TMEM170B: variants seen among roughly 807,000 people sequenced by gnomAD.
The protein encoded by TMEM170B is transmembrane protein 170B.
A neutral mutation model predicts 13.0 loss-of-function variants in TMEM170B; 6 were observed. That is an observed-to-expected ratio of 0.46 (90% CI 0.25 to 0.91). The LOEUF (loss-of-function observed/expected upper bound fraction) is 0.91. TMEM170B is among the 40% of genes least tolerant of loss of function. TMEM170B has a pLI of 0.17. For missense variants in TMEM170B, 138 were observed against 165.2 expected, an observed-to-expected ratio of 0.84 and a Z score of 0.90; for synonymous variants, 61 against 64.9, an observed-to-expected ratio of 0.94 and a Z score of 0.29.
chr6:11,540,117 T>C (rs2113759074), intron 1 of TMEM170B, among the ~76,000 whole-genome samples: 1 of 152,348 alleles, frequency 6.6e-6, no homozygotes, highest in South Asian at 2.1e-4. Flanking sequence ...TAGAGGGTCT[T>C]GTCTTTGTGT....
Position 11,575,459 on chromosome 6 carries a change from A to G in TMEM170B, c.297A>G (p.Val99=), listed in dbSNP as rs773919274. ...TSAAVAGIYR[V]AGKNMAPLEA... is the part of the protein sequence containing the mutation. ...CAGCAGTAGCGGGCATTTACAGAGT[A>G]GCTGGGAAGAACATGGCCCCTTTGG... is the stretch of plus-strand genomic sequence containing the variant. The change falls in exon 3 of 3, where the codon GTA becomes GTG. Residue 99 remains valine (V), a synonymous_variant. Transcript: ENST00000379426. This position sits in a 1 kb window ranked among gnomAD's most constrained non-coding sequence, Gnocchi z 4.1. 6.2e-7 allele frequency: 1 copy of G among 1,613,512 alleles called. No homozygotes were observed. Among genetic ancestry groups the G allele is most frequent in the East Asian group, 2.2e-5 (1 of 44,876 alleles).
intron 1 of TMEM170B, among the ~76,000 whole-genome samples, chr6:11,542,499 C>G (rs539908168): frequency 6.6e-6 from 1 of 151,334 alleles, no homozygotes; most frequent in African/African-American, 2.5e-5. Context: ...AGGACTGAGG[C>G]GGGACTGAGG....
At chr6:11,565,569 C>T (rs12193222) in intron 1 of TMEM170B, 97 bp from the exon 2 acceptor site, 1 of 1,308,036 alleles carries the variant, frequency 7.6e-7, no homozygotes. Context: ...TGTATTATGT[C>T]ATTTAACCTC....
rs1759907583 is a variant in TMEM170B at position 11,578,400 on chromosome 6, G to A, written c.*2839G>A. ...AATGTTTAATAAAATATTGTTTATAGTGAAATCAGCTCCCCAAAGAAGGAA... is the reference window on the plus strand; with the variant it reads ...AATGTTTAATAAAATATTGTTTATAATGAAATCAGCTCCCCAAAGAAGGAA... On this transcript the variant is annotated 3_prime_UTR_variant, in exon 3 of 3. Coordinates refer to ENST00000379426, the MANE Select transcript of TMEM170B (RefSeq NM_001100829.3). The A allele has an allele frequency of 6.6e-6, 1 of 152,102 alleles. No homozygotes were observed. The highest frequency in any genetic ancestry group is 6.6e-5 in the Admixed American group (1 of 15,254). 9.4% of individuals were successfully genotyped at this position (152,102 alleles called of 1,614,324 possible). A position where few individuals can be genotyped will look rare whatever the true frequency, so the allele number is the denominator to read the frequency against.
chr6:11,559,472 T>C (rs1397706184), intron 1 of TMEM170B, among the ~76,000 whole-genome samples: 2 of 152,192 alleles, frequency 1.3e-5, no homozygotes, highest in Non-Finnish European at 2.9e-5. Context: ...AGGCATGAGC[T>C]ACTGTGCCCA....
Position 11,575,653 on chromosome 6 carries a change from C to T in TMEM170B, c.*92C>T. 1 of 1,498,942 alleles carries T rather than the reference C, an allele frequency of 6.7e-7. No individual in the cohort carries two copies. Among genetic ancestry groups the T allele is most frequent in the South Asian group, 1.2e-5 (1 of 86,012 alleles). The allele number at this position is 1,498,942 out of a possible 1,614,324, so 92.9% of individuals were successfully genotyped here. Reference sequence around the variant, plus strand: ...GTTAACAAGTGGAAATGAAATTGTGCAAGAATGTGGACTGAGCAGGTCAAA... The same window carrying T: ...GTTAACAAGTGGAAATGAAATTGTGTAAGAATGTGGACTGAGCAGGTCAAA... On this transcript the variant is annotated 3_prime_UTR_variant, in exon 3 of 3. Coordinates refer to ENST00000379426, the MANE Select transcript of TMEM170B (RefSeq NM_001100829.3). This position sits in a 1 kb window ranked among gnomAD's most constrained non-coding sequence, Gnocchi z 4.1.
Position 11,561,101 on chromosome 6 carries a change from G to C in TMEM170B, c.98-4565G>C, listed in dbSNP as rs368856801. 5.3e-5 allele frequency among the ~76,000 whole-genome samples: 8 copies of C among 152,138 alleles called. No individual in the cohort carries two copies. In the East Asian group the frequency reaches 7.7e-4, roughly 15 times the overall value. ...GAGGATTATAGACAGTCTTGAGTGG[G>C]GAAATGTTACCAAAGGAATTTCTGA... On this transcript the variant is annotated intron_variant, in intron 1 of 2. Coordinates refer to ENST00000379426, the MANE Select transcript of TMEM170B (RefSeq NM_001100829.3).
intron 1 of TMEM170B, among the ~76,000 whole-genome samples, chr6:11,545,671 T>C (rs957034066): frequency 8.6e-5 from 13 of 151,994 alleles, no homozygotes; most frequent in African/African-American, 2.9e-4. Flanking sequence ...AACAACTGTG[T>C]TACTGGCTTA....
intron 1 of TMEM170B, among the ~76,000 whole-genome samples, chr6:11,549,028 C>T (rs1759480700): frequency 6.6e-6 from 1 of 152,010 alleles, no homozygotes; most frequent in Non-Finnish European, 1.5e-5. Flanking sequence ...ACATATGTAA[C>T]AAACCTGCAC....
intron 2 of TMEM170B, among the ~76,000 whole-genome samples, chr6:11,574,766 A>C (rs938241702): frequency 2.0e-5 from 3 of 152,132 alleles, no homozygotes. Flanking sequence ...TCCCGTTCTC[A>C]GAAGTGTACA....
rs578039587 is a variant in TMEM170B at position 11,561,721 on chromosome 6, GAA to G, written c.98-3943_98-3942del. On this transcript the variant is annotated intron_variant, in intron 1 of 2. Coordinates refer to ENST00000379426, the MANE Select transcript of TMEM170B (RefSeq NM_001100829.3). Reference sequence around the variant, plus strand: ...AAAGAGTATGATTTTTTAAAAGAGAGAAAGAAATATAAAAGTAAATCTGACAT... The same window carrying G: ...AAAGAGTATGATTTTTTAAAAGAGAGAGAAATATAAAAGTAAATCTGACAT... 4.6e-3 allele frequency among the ~76,000 whole-genome samples: 706 copies of G among 152,210 alleles called. 2 individuals are homozygous for G. The highest frequency in any genetic ancestry group is 0.016 in the African/African-American group (669 of 41,554).
intron 1 of TMEM170B, among the ~76,000 whole-genome samples, chr6:11,546,964 C>G (rs143089158): frequency 4.9e-4 from 75 of 152,288 alleles, no homozygotes; most frequent in African/African-American, 1.6e-3. Flanking sequence ...ACAACAAATA[C>G]TGTAGTAAAA....
intron 1 of TMEM170B, among the ~76,000 whole-genome samples, chr6:11,563,419 A>G (rs1007432931): frequency 2.0e-5 from 3 of 152,134 alleles, no homozygotes; most frequent in African/African-American, 7.2e-5. Flanking sequence ...TAGGATACCA[A>G]CTGGGTGTCC....
At chr6:11,558,973 TTTTAC>T (rs1759625063) in intron 1 of TMEM170B, among the ~76,000 whole-genome samples, 1 of 152,196 alleles carries the variant, frequency 6.6e-6, no homozygotes, top group South Asian at 2.1e-4. Flanking sequence ...TAGTATTTTA[TTTTAC>T]TTAAATAGAA....
At position 11,556,382 on chromosome 6, in the gene TMEM170B, G is replaced by A. The variant is rs560522695; in HGVS notation, c.98-9284G>A. Among the ~76,000 whole-genome samples the A allele has an allele frequency of 7.4e-4, 113 of 152,230 alleles. 1 individual carries two copies. The highest frequency in any genetic ancestry group is 3.2e-3 in the Admixed American group (49 of 15,298). ...TAGGGTGGGAGCTCTGTACTGCAGG[G>A]TTATTCTCAGTGGCAATGCTCCATT... On this transcript the variant is annotated intron_variant, in intron 1 of 2. Coordinates refer to ENST00000379426, the MANE Select transcript of TMEM170B (RefSeq NM_001100829.3).
At chr6:11,541,171 C>T (rs1759355485) in intron 1 of TMEM170B, among the ~76,000 whole-genome samples, 1 of 152,156 alleles carries the variant, frequency 6.6e-6, no homozygotes, top group African/African-American at 2.4e-5. Flanking sequence ...TGCATTAGCT[C>T]CTAAGAAGAG....
chr6:11,564,755 G>A (rs1250481742), intron 1 of TMEM170B, among the ~76,000 whole-genome samples: 1 of 152,074 alleles, frequency 6.6e-6, no homozygotes, highest in Non-Finnish European at 1.5e-5. Context: ...TTCATCATGC[G>A]ACGATGAAGT....
Position 11,579,806 on chromosome 6 carries a change from C to G in TMEM170B, c.*4245C>G, listed in dbSNP as rs569186143. ...TCAGCCATGTTGATTTATTGACTTT[C>G]TGCTATTTGCTAATTATTCTTCTTG... On this transcript the variant is annotated 3_prime_UTR_variant, in exon 3 of 3. Coordinates refer to ENST00000379426, the MANE Select transcript of TMEM170B (RefSeq NM_001100829.3). 6.6e-6 allele frequency: 1 copy of G among 152,310 alleles called. No individual in the cohort carries two copies. Among genetic ancestry groups the G allele is most frequent in the East Asian group, 1.9e-4 (1 of 5,182 alleles). The allele number at this position is 152,310 out of a possible 1,614,324, so 9.4% of individuals were successfully genotyped here.
intron 1 of TMEM170B, among the ~76,000 whole-genome samples, chr6:11,553,735 A>C (rs1759552846): frequency 6.6e-6 from 1 of 152,206 alleles, no homozygotes; most frequent in Admixed American, 6.5e-5. Flanking sequence ...TTGTTTCTTT[A>C]ATCTTTCAAG....
Sources: gnomAD v4.1 joint callset for allele counts (sites outside exome capture counted in the v4.1 genomes callset) on GRCh38, gnomAD v4.1.1 for gene constraint, Gnocchi (gnomAD v3.1) non-coding constraint, MANE v1.5 for transcripts, NCBI Gene and HGNC (gene_info 2026-07-23, HGNC 2026-07-21) for gene names.